FHIT: variants seen among roughly 807,000 people sequenced by gnomAD.
The protein encoded by FHIT is bis(5'-adenosyl)-triphosphatase.
A neutral mutation model predicts 17.9 loss-of-function variants in FHIT; 19 were observed. The observed-to-expected ratio is 1.06, with a 90% CI of 0.74 to 1.56. The LOEUF is 1.56. FHIT is among the 40% of genes most tolerant of loss of function. The pLI, the probability that FHIT is intolerant of heterozygous loss-of-function variation, is 0.00. For synonymous variants in FHIT, 81 were observed against 69.7 expected, an observed-to-expected ratio of 1.16 and a Z score of -0.81; for missense variants, 248 against 189.2, an observed-to-expected ratio of 1.31 and a Z score of -1.82.
intron 2 of FHIT, among the ~76,000 whole-genome samples, chr3:61,188,504 C>T (rs574709778): frequency 5.3e-5 from 8 of 152,264 alleles, no homozygotes; most frequent in African/African-American, 1.7e-4. Flanking sequence ...ACCAGAGGTA[C>T]AAGGAGGAGC....
At chr3:60,330,325 G>C (rs1160476182) in intron 5 of FHIT, among the ~76,000 whole-genome samples, 1 of 152,126 alleles carries the variant, frequency 6.6e-6, no homozygotes, top group Non-Finnish European at 1.5e-5. Context: ...CCCTAGGGCT[G>C]CTCATCATTT....
At chr3:60,977,025 A>G (rs1385828453) in intron 3 of FHIT, among the ~76,000 whole-genome samples, 2 of 152,180 alleles carry the variant, frequency 1.3e-5, no homozygotes, top group African/African-American at 4.8e-5. Context: ...CATCATCAAC[A>G]TGACGGTCTG....
chr3:61,072,449 AG>A (rs2106744153), intron 2 of FHIT, among the ~76,000 whole-genome samples: 1 of 152,306 alleles, frequency 6.6e-6, no homozygotes, highest in African/African-American at 2.4e-5. Flanking sequence ...GTTCTGAAAA[AG>A]TTTTCTTCAC....
intron 5 of FHIT, among the ~76,000 whole-genome samples, chr3:60,086,343 A>G (rs755750608): frequency 2.6e-5 from 4 of 152,172 alleles, no homozygotes; most frequent in Non-Finnish European, 2.9e-5. Flanking sequence ...TTGAGAAGAC[A>G]AACATCCAAA....
rs545129777 is a variant in FHIT at position 60,372,555 on chromosome 3, C to T, written c.103+164305G>A. The stretch of plus-strand genomic sequence containing the variant: ...CACACTTGGATTTTAAATTATTGGT[C>T]CAAGACAAAAAGAGTCATGAGTACA... On this transcript the variant is annotated intron_variant, in intron 5 of 9. Coordinates refer to ENST00000492590, the MANE Select transcript of FHIT (RefSeq NM_002012.4). 1.4e-4 allele frequency among the ~76,000 whole-genome samples: 22 copies of T among 152,192 alleles called. 1 individual carries two copies. Among genetic ancestry groups the T allele is most frequent in the African/African-American group, 4.1e-4 (17 of 41,528 alleles).
At chr3:60,177,006 C>T (rs1207980953) in intron 5 of FHIT, among the ~76,000 whole-genome samples, 3 of 151,638 alleles carry the variant, frequency 2.0e-5, no homozygotes, top group Admixed American at 1.3e-4. Context: ...AAAAATACAA[C>T]ATAAAATTGT....
chr3:59,752,220 C>T lies in FHIT; in HGVS notation c.*5+1G>A, dbSNP rs1359370257. On this transcript the variant is annotated splice_donor_variant, in intron 9 of 9. Transcript: ENST00000492590. LOFTEE classifies it low-confidence loss of function (3UTR_SPLICE). ...GGGTAATGACGAAATGCAGTCTTTACCTGTGTCACTGAAAGTAGACCCGCA... is the reference window on the plus strand; with the variant it reads ...GGGTAATGACGAAATGCAGTCTTTATCTGTGTCACTGAAAGTAGACCCGCA... 6.2e-7 allele frequency: 1 copy of T among 1,608,918 alleles called. No homozygotes were observed. Among genetic ancestry groups the T allele is most frequent in the Non-Finnish European group, 8.5e-7 (1 of 1,176,016 alleles).
chr3:60,446,206 G>T (rs377550099), intron 5 of FHIT, among the ~76,000 whole-genome samples: 6 of 152,046 alleles, frequency 3.9e-5, no homozygotes, highest in Non-Finnish European at 7.4e-5. Flanking sequence ...TGCCAATTGG[G>T]GCATCATTGA....
chr3:60,506,999 C>T (rs2034759814), intron 5 of FHIT, among the ~76,000 whole-genome samples: 1 of 152,050 alleles, frequency 6.6e-6, no homozygotes, highest in Non-Finnish European at 1.5e-5. Context: ...GAAAAAAAAG[C>T]ATATACTGCC....
intron 2 of FHIT, among the ~76,000 whole-genome samples, chr3:61,188,735 T>C (rs1002346447): frequency 6.6e-6 from 1 of 152,090 alleles, no homozygotes; most frequent in Non-Finnish European, 1.5e-5. Flanking sequence ...TTATCCACCA[T>C]GATCAAGTGG....
At chr3:61,160,251 C>T (rs1486746744) in intron 2 of FHIT, among the ~76,000 whole-genome samples, 1 of 141,674 alleles carries the variant, frequency 7.1e-6, no homozygotes, top group Non-Finnish European at 1.5e-5. Context: ...GCACTTTTTA[C>T]AAGTGCCTCA....
intron 5 of FHIT, among the ~76,000 whole-genome samples, chr3:60,217,353 C>T (rs1365546347): frequency 1.3e-5 from 2 of 152,154 alleles, no homozygotes; most frequent in Non-Finnish European, 2.9e-5. Flanking sequence ...TTTCCTTGAG[C>T]TCATCGCCCA....
At chr3:60,206,008 C>T (rs1417425793) in intron 5 of FHIT, among the ~76,000 whole-genome samples, 3 of 149,670 alleles carry the variant, frequency 2.0e-5, no homozygotes, top group African/African-American at 7.3e-5. Context: ...TTGCAGGCAC[C>T]TATAGTCCCA....
chr3:61,152,620 A>T (rs2037426712), intron 2 of FHIT, among the ~76,000 whole-genome samples: 1 of 152,148 alleles, frequency 6.6e-6, no homozygotes. Flanking sequence ...GCTAGAGATG[A>T]GATGAGAAAG....
At chr3:60,394,043 GTC>G (rs1308585238) in intron 5 of FHIT, among the ~76,000 whole-genome samples, 2 of 152,154 alleles carry the variant, frequency 1.3e-5, no homozygotes, top group Non-Finnish European at 2.9e-5. Context: ...GAAAAGAAGA[GTC>G]TCTCAGGATA....
chr3:59,962,521 G>T (rs984322737), intron 7 of FHIT, among the ~76,000 whole-genome samples: 1 of 152,180 alleles, frequency 6.6e-6, no homozygotes, highest in African/African-American at 2.4e-5. Context: ...TTTGGGAGGG[G>T]AGGGAGTCTG....
intron 2 of FHIT, among the ~76,000 whole-genome samples, chr3:61,132,952 T>C (rs966066676): frequency 1.4e-4 from 21 of 152,032 alleles, no homozygotes; most frequent in Admixed American, 5.2e-4. Flanking sequence ...AAGCAGAAAT[T>C]GCAGTGGCCC....
intron 5 of FHIT, among the ~76,000 whole-genome samples, chr3:60,356,401 C>T (rs769432316): frequency 2.6e-5 from 4 of 152,030 alleles, no homozygotes; most frequent in Non-Finnish European, 4.4e-5. Flanking sequence ...GTTCTTCAGA[C>T]AATGTAGGAG....
At chr3:60,267,899 G>A (rs1385426802) in intron 5 of FHIT, among the ~76,000 whole-genome samples, 2 of 152,108 alleles carry the variant, frequency 1.3e-5, no homozygotes, top group African/African-American at 4.8e-5. Context: ...GCTATTATGT[G>A]CACACATATT....
Sources: allele counts gnomAD v4.1 joint callset (sites outside exome capture counted in the v4.1 genomes callset), GRCh38; gene constraint gnomAD v4.1.1; transcripts MANE v1.5; gene names NCBI Gene and HGNC (gene_info 2026-07-23, HGNC 2026-07-21).